The following RAB33B variants were observed in gnomAD, a reference collection of about 807,000 sequenced individuals.
The protein encoded by RAB33B is ras-related protein Rab-33B.
RAB33B carries 6 observed loss-of-function variants against 15.0 expected under a neutral mutation model. The observed-to-expected ratio is 0.40, with a 90% confidence interval of 0.22 to 0.79. The LOEUF (loss-of-function observed/expected upper bound fraction) is 0.79. RAB33B is among the 30% of genes least tolerant of loss of function. RAB33B has a pLI of 0.37. For missense variants in RAB33B, 257 were observed against 296.4 expected, an observed-to-expected ratio of 0.87 and a Z score of 0.98; for synonymous variants, 117 against 108.3, an observed-to-expected ratio of 1.08 and a Z score of -0.50.
chr4:139,444,856 G>C, the RAB33B span, among the ~76,000 whole-genome samples: 1 of 152,096 alleles, frequency 6.6e-6, no homozygotes, highest in Non-Finnish European at 1.5e-5. Context: ...TATTATGGTG[G>C]AAAAAGCCAA....
chr4:139,450,485 G>A (rs1177801178), upstream of RAB33B: 2 of 152,372 alleles, frequency 1.3e-5, no homozygotes, highest in South Asian at 2.1e-4. Context: ...TGGCATTCAA[G>A]GAGGAGGGAG....
upstream of RAB33B, chr4:139,453,894 G>A: frequency 4.0e-6 from 1 of 250,306 alleles, no homozygotes. Context: ...CTGGCCTTCC[G>A]CGCTGCCGTG....
At chr4:139,447,225 C>G in the RAB33B span, among the ~76,000 whole-genome samples, 3 of 152,170 alleles carry the variant, frequency 2.0e-5, no homozygotes, top group Non-Finnish European at 4.4e-5. Flanking sequence ...AACGGAATGG[C>G]CTTTTGAAGT....
In RAB33B at chr4:139,454,276, T is replaced by G. The variant is rs1750018463; in HGVS notation, c.81T>G (p.Pro27=). 6.2e-7 allele frequency: 1 copy of G among 1,614,156 alleles called. No individual in the cohort carries two copies. The highest frequency in any genetic ancestry group is 8.5e-7 in the Non-Finnish European group (1 of 1,180,014). Residue 27 remains proline (P), a synonymous_variant, in exon 1 of 2, where the codon CCT becomes CCG. Transcript: ENST00000305626. ...TGTCAGGGGCCTCAGGGTTTTTGCC[T>G]CCTGCCCGCTCCCGCATCTTCAAGA... ...GAVSGASGFL[P]PARSRIFKII...
upstream of RAB33B, chr4:139,449,768 T>C (rs980903269): frequency 6.6e-6 from 1 of 151,836 alleles, no homozygotes; most frequent in Non-Finnish European, 1.5e-5. Context: ...TATATATATA[T>C]ATATATATCT....
At position 139,454,345 on chromosome 4, in the gene RAB33B, C is replaced by T. The variant is rs1579171810; in HGVS notation, c.150C>T (p.Thr50=). ...GDSNVGKTCL[T]YRFCAGRFPD... is the part of the protein sequence containing the mutation. The stretch of plus-strand genomic sequence containing the variant: ...CCAATGTGGGCAAGACATGCCTGAC[C>T]TACCGCTTCTGCGCTGGCCGCTTCC... The change falls in exon 1 of 2, where the codon ACC becomes ACT. Residue 50 remains threonine (T), a synonymous_variant. Transcript: ENST00000305626. The T allele has an allele frequency of 6.2e-7, 1 of 1,614,012 alleles. No individual in the cohort carries two copies. The highest frequency in any genetic ancestry group is 1.3e-5 in the African/African-American group (1 of 74,918).
chr4:139,445,066 T>A, the RAB33B span, among the ~76,000 whole-genome samples: 2 of 152,244 alleles, frequency 1.3e-5, no homozygotes, highest in Non-Finnish European at 2.9e-5. Context: ...GACAGTCAAT[T>A]ATGTAAGCTT....
Position 139,472,844 on chromosome 4 carries a change from G to C in RAB33B, c.408G>C (p.Leu136Phe). Residue 136 changes from leucine (L) to phenylalanine (F), a missense_variant, in exon 2 of 2, where the codon TTG (leucine) becomes TTC (phenylalanine). Leu to Phe is a conservative substitution (Grantham distance 22, BLOSUM62 0). Transcript: ENST00000305626. ...PSWIEECKQH[L>F]LANDIPRILV... is the part of the protein sequence containing the mutation. ...GGATAGAAGAATGCAAACAACATTT[G>C]CTAGCCAATGATATACCACGGATTC... is the stretch of plus-strand genomic sequence containing the variant. The C allele has an allele frequency of 6.2e-7, 1 of 1,614,150 alleles. No individual in the cohort carries two copies. Among genetic ancestry groups the C allele is most frequent in the Non-Finnish European group, 8.5e-7 (1 of 1,180,028 alleles).
At chr4:139,451,223 G>A (rs1407453182), upstream of RAB33B, 1 of 151,952 alleles carries the variant, frequency 6.6e-6, no homozygotes, top group Non-Finnish European at 1.5e-5. Context: ...TTTTAGAGAT[G>A]GGGGTCTCGC....
At chr4:139,446,308 A>C in the RAB33B span, among the ~76,000 whole-genome samples, 1 of 152,210 alleles carries the variant, frequency 6.6e-6, no homozygotes, top group Non-Finnish European at 1.5e-5. Flanking sequence ...GGCACTACCC[A>C]AAAGTGGACA....
intron 1 of RAB33B, among the ~76,000 whole-genome samples, chr4:139,458,223 G>A (rs1750107100): frequency 6.6e-6 from 1 of 152,022 alleles, no homozygotes; most frequent in Admixed American, 6.5e-5. Context: ...AGGTTCAAGG[G>A]TACAGAGCAC....
the RAB33B span, among the ~76,000 whole-genome samples, chr4:139,447,888 C>T: frequency 2.0e-5 from 3 of 151,784 alleles, no homozygotes; most frequent in Admixed American, 1.3e-4. Flanking sequence ...GGGATGGTCT[C>T]GATCTCCTGA....
intron 1 of RAB33B, among the ~76,000 whole-genome samples, chr4:139,456,771 A>G (rs551387902): frequency 1.7e-4 from 26 of 152,342 alleles, no homozygotes; most frequent in African/African-American, 4.3e-4. Context: ...TGAGGTTTCT[A>G]TAGTAGGAAA....
intron 1 of RAB33B, among the ~76,000 whole-genome samples, chr4:139,463,324 C>T (rs184688788): frequency 7.6e-4 from 116 of 152,142 alleles, no homozygotes; most frequent in East Asian, 4.4e-3. Context: ...TTAGTAGAGA[C>T]GGGGTTTCAC....
upstream of RAB33B, chr4:139,451,941 T>C (rs1022151248): frequency 6.6e-6 from 1 of 152,248 alleles, no homozygotes; most frequent in Non-Finnish European, 1.5e-5. Flanking sequence ...TTTCCAACAG[T>C]AGAATTTCCT....
At chr4:139,455,043 C>T (rs1180220623) in intron 1 of RAB33B, among the ~76,000 whole-genome samples, 1 of 152,212 alleles carries the variant, frequency 6.6e-6, no homozygotes, top group Non-Finnish European at 1.5e-5. Context: ...AGTTCCTACT[C>T]AGGTTGCCAA....
At position 139,454,351 on chromosome 4, in the gene RAB33B, C is replaced by T; in HGVS notation, c.156C>T (p.Arg52=). 6.2e-7 allele frequency: 1 copy of T among 1,614,102 alleles called. No individual in the cohort carries two copies. The highest frequency in any genetic ancestry group is 8.5e-7 in the Non-Finnish European group (1 of 1,180,016). Residue 52 remains arginine, a synonymous_variant, in exon 1 of 2, where the codon CGC becomes CGT. Coordinates refer to ENST00000305626, the MANE Select transcript of RAB33B (RefSeq NM_031296.3). The part of the protein sequence containing the change: ...SNVGKTCLTY[R]FCAGRFPDRT... ...TGGGCAAGACATGCCTGACCTACCG[C>T]TTCTGCGCTGGCCGCTTCCCCGACC...
chr4:139,452,738 T>C (rs1370256250), upstream of RAB33B: 2 of 152,342 alleles, frequency 1.3e-5, no homozygotes, highest in East Asian at 3.9e-4. Flanking sequence ...TCCTGGCAAC[T>C]CCGGGCATGT....
chr4:139,445,574 A>C, the RAB33B span, among the ~76,000 whole-genome samples: 4 of 152,350 alleles, frequency 2.6e-5, no homozygotes, highest in African/African-American at 9.6e-5. Flanking sequence ...GGCCCCTCCT[A>C]TACCAAGAAA....
Sources: gnomAD v4.1 joint callset for allele counts (sites outside exome capture counted in the v4.1 genomes callset) on GRCh38, gnomAD v4.1.1 for gene constraint, MANE v1.5 for transcripts, NCBI Gene and HGNC (gene_info 2026-07-23, HGNC 2026-07-21) for gene names.